The following TUBGCP2 variants were observed in gnomAD, a reference collection of about 807,000 sequenced individuals.
TUBGCP2 encodes tubulin gamma complex component 2, also known as gamma-tubulin complex component 2.
TUBGCP2 carries 55 observed loss-of-function variants against 92.2 expected under a neutral mutation model. The ratio of observed to expected loss-of-function variants is 0.60; its 90% CI spans 0.48 to 0.75. TUBGCP2 has a LOEUF of 0.75. Ranked by LOEUF, TUBGCP2 falls within the 30% of genes least tolerant of loss-of-function variation. The pLI is 0.00. For missense variants in TUBGCP2, 1,093 were observed against 1,188.9 expected (o/e 0.92, Z 1.19); for synonymous variants, 533 against 505.2 (o/e 1.06, Z -0.74).
In TUBGCP2 at chr10:133,282,260, C is replaced by T. The variant is rs769732521; in HGVS notation, c.2372G>A (p.Gly791Glu). ...CTCCTTCCGGGCCCGCTCCTCGGCC[C>T]CTGCGGGCAGCCCCAGGACGGTGCT... is the stretch of plus-strand genomic sequence containing the variant. ...EHSTVLGLPA[G>E]AEERARKELA... The change falls in exon 16 of 18, where the codon GGG becomes GAG. Residue 791 changes from glycine to glutamate, a missense_variant. By Grantham distance (98) the Gly-to-Glu change is moderately conservative. This residue lies in a region of TUBGCP2 where 598 missense variants were observed against 675.5 expected (regional missense o/e 0.89). Coordinates refer to ENST00000252936, the MANE Select transcript of TUBGCP2 (RefSeq NM_006659.4). 4.2e-5 allele frequency: 68 copies of T among 1,611,696 alleles called. No individual in the cohort carries two copies. Among genetic ancestry groups the T allele is most frequent in the Non-Finnish European group, 5.4e-5 (64 of 1,179,316 alleles).
At position 133,283,760 on chromosome 10, in the gene TUBGCP2, TG is replaced by T. The variant is rs1207152895; in HGVS notation, c.2145+121del. 3 of 1,465,732 alleles carry T rather than the reference TG, an allele frequency of 2.0e-6. No homozygotes were observed. In the African/African-American group the frequency reaches 4.2e-5, roughly 21 times the overall value. 90.8% of individuals were successfully genotyped at this position (1,465,732 alleles called of 1,614,324 possible). ...CTCTCCTGCACTCCCTGCGTCTCCCTGCATTCCCTGCCTCTCCTGCACTCCC... is the reference window on the plus strand; with the variant it reads ...CTCTCCTGCACTCCCTGCGTCTCCCTCATTCCCTGCCTCTCCTGCACTCCC... On this transcript the variant is annotated intron_variant, in intron 14 of 17. Transcript: ENST00000252936.
chr10:133,290,945 G>A (rs866538187), intron 8 of TUBGCP2: 3 of 155,896 alleles, frequency 1.9e-5, no homozygotes, highest in South Asian at 2.0e-4. Flanking sequence ...GTATCTTGAC[G>A]TAATAGACAT....
Position 133,281,532 on chromosome 10 carries a change from C to T in TUBGCP2, c.2410-96G>A, listed in dbSNP as rs183489373. The T allele has an allele frequency of 2.4e-5, 34 of 1,432,862 alleles. No homozygotes were observed. The Admixed American group carries it at 7.9e-4, about 33-fold the overall frequency. 88.8% of individuals were successfully genotyped at this position (1,432,862 alleles called of 1,614,324 possible). On this transcript the variant is annotated intron_variant, in intron 16 of 17. Transcript: ENST00000252936. ...CCAGCAGGCCGGTGTCCTTTCCCTTCCCCTTTTCTTAAATAGAAAACATGG... is the reference window on the plus strand; with the variant it reads ...CCAGCAGGCCGGTGTCCTTTCCCTTTCCCTTTTCTTAAATAGAAAACATGG...
chr10:133,279,479 T>C lies in TUBGCP2; in HGVS notation c.*287A>G. ...ACATGCATCTTTGCTTGCTCCTGGC[T>C]TAAACACCATGTATTTCCACTTTGA... On this transcript the variant is annotated 3_prime_UTR_variant, in exon 18 of 18. Transcript: ENST00000252936. 2.3e-6 allele frequency: 1 copy of C among 439,174 alleles called. No homozygotes were observed. 27.2% of individuals were successfully genotyped at this position (439,174 alleles called of 1,614,324 possible).
At chr10:133,290,048 G>T in intron 8 of TUBGCP2, 79 bp from the exon 9 acceptor site, 1 of 1,570,870 alleles carries the variant, frequency 6.4e-7, no homozygotes. Context: ...GGCCGGCAGC[G>T]CGCAGGGACA....
chr10:133,293,495 A>G (rs1025774547), intron 6 of TUBGCP2, 67 bp downstream of exon 6: 5 of 1,506,552 alleles, frequency 3.3e-6, no homozygotes, highest in Non-Finnish European at 4.5e-6. Context: ...CCCCATGGTC[A>G]TCAGGATGGG....
chr10:133,306,094 C>A lies in TUBGCP2; in HGVS notation c.-40+2729G>T, dbSNP rs149248262. Among the ~76,000 whole-genome samples, 212 of 152,362 alleles carry A rather than the reference C, an allele frequency of 1.4e-3. 1 individual carries two copies. The highest frequency in any genetic ancestry group is 6.8e-3 in the Middle Eastern group (2 of 294). ...CAGGAAAGCAGAAACAAACATGCGG[C>A]ACCATTGCTCCCTGGAGGTGTTAAC... On this transcript the variant is annotated intron_variant, in intron 1 of 17. Coordinates refer to ENST00000252936, the MANE Select transcript of TUBGCP2 (RefSeq NM_006659.4).
chr10:133,297,935 A>G lies in TUBGCP2; in HGVS notation c.616+17T>C, dbSNP rs1847527936. 2 of 1,610,028 alleles carry G rather than the reference A, an allele frequency of 1.2e-6. No individual in the cohort carries two copies. The highest frequency in any genetic ancestry group is 2.2e-5 in the South Asian group (2 of 90,892). Reference sequence around the variant, plus strand: ...ACGTACCTATCGGCAGAGCCCGGAAATCAACGCATCACGTACCTATCGGCA... The same window carrying G: ...ACGTACCTATCGGCAGAGCCCGGAAGTCAACGCATCACGTACCTATCGGCA... On this transcript the variant is annotated intron_variant, in intron 5 of 17. Transcript: ENST00000252936.
intron 11 of TUBGCP2, 22 bp downstream of exon 11, chr10:133,288,107 A>C: frequency 6.2e-7 from 1 of 1,601,084 alleles, no homozygotes; most frequent in Non-Finnish European, 8.5e-7. Context: ...CACAGGGGAC[A>C]GCCCCCGGCA....
At chr10:133,299,345 C>A (rs1847573418) in intron 4 of TUBGCP2, 82 bp downstream of exon 4, 2 of 1,250,986 alleles carry the variant, frequency 1.6e-6, no homozygotes, top group East Asian at 5.0e-5. Context: ...CCCGGCACAG[C>A]ACTGAGTGTG....
chr10:133,291,817 ATGTCCCTCCG>A (rs1335550806), intron 8 of TUBGCP2, among the ~76,000 whole-genome samples: 2 of 36,866 alleles, frequency 5.4e-5, no homozygotes, highest in Non-Finnish European at 1.0e-4. Flanking sequence ...CGTGTCCCCC[ATGTCCCTCCG>A]TGTCCCCCAT....
rs149312301 is a variant in TUBGCP2 at position 133,292,574 on chromosome 10, G to A, written c.1139C>T (p.Thr380Ile). 1.2e-6 allele frequency: 2 copies of A among 1,614,192 alleles called. No individual in the cohort carries two copies. The highest frequency in any genetic ancestry group is 1.3e-5 in the African/African-American group (1 of 75,048). The change falls in exon 8 of 18, where the codon ACC (threonine) becomes ATC (isoleucine). Residue 380 changes from threonine (T) to isoleucine (I), a missense_variant. Physicochemically the swap from Thr to Ile is moderately conservative, Grantham distance 89. This residue lies in a region of TUBGCP2 where 490 missense variants were observed against 488.5 expected (regional missense o/e 1.00). Coordinates refer to ENST00000252936, the MANE Select transcript of TUBGCP2 (RefSeq NM_006659.4). Reference protein sequence around the residue: ...SQAQELCLYLTKAASAPYFEV... With the variant: ...SQAQELCLYLIKAASAPYFEV... ...GAAGTAGGGAGCACTGGCCGCCTTG[G>A]TTAGGTACAGGCATAGCTCCTGCGC...
chr10:133,303,201 G>A (rs1249493479), intron 1 of TUBGCP2, among the ~76,000 whole-genome samples: 1 of 150,410 alleles, frequency 6.6e-6, no homozygotes, highest in African/African-American at 2.5e-5. Context: ...CAGCCTCTCA[G>A]AGGGTCCTCT....
intron 5 of TUBGCP2, chr10:133,297,230 C>T (rs910196940): frequency 2.6e-5 from 8 of 312,256 alleles, no homozygotes; most frequent in South Asian, 4.8e-5. Flanking sequence ...GGCAAAACCC[C>T]GTCTCTACTA....
rs138468630 is a variant in TUBGCP2 at position 133,305,306 on chromosome 10, C to G, written c.-39-2326G>C. Among the ~76,000 whole-genome samples, 3 of 152,362 alleles carry G rather than the reference C, an allele frequency of 2.0e-5. No individual in the cohort carries two copies. In the East Asian group the frequency reaches 5.8e-4, roughly 29 times the overall value. ...TAAGCTGTCCTCTCTCTCTCCGCCT[C>G]GGCTACGTAACAGGGAAGGGCCCCA... On this transcript the variant is annotated intron_variant, in intron 1 of 17. Transcript: ENST00000252936.
intron 1 of TUBGCP2, among the ~76,000 whole-genome samples, chr10:133,305,457 G>A (rs764215095): frequency 3.3e-5 from 5 of 152,034 alleles, no homozygotes; most frequent in Admixed American, 1.3e-4. Context: ...GGCCACTACC[G>A]GTCTCTGCGT....
At chr10:133,298,370 A>G (rs1847541666) in intron 4 of TUBGCP2, among the ~76,000 whole-genome samples, 1 of 152,190 alleles carries the variant, frequency 6.6e-6, no homozygotes, top group Admixed American at 6.5e-5. Context: ...CCCCCCTGGG[A>G]AAACATGAGC....
intron 2 of TUBGCP2, among the ~76,000 whole-genome samples, chr10:133,300,766 G>A (rs138205224): frequency 2.2e-4 from 33 of 152,302 alleles, no homozygotes; most frequent in African/African-American, 6.7e-4. Context: ...GAGCCCCTGC[G>A]CCCGCCCTTT....
At chr10:133,280,043 G>C in intron 17 of TUBGCP2, 142 bp from the exon 18 acceptor site, 1 of 1,347,942 alleles carries the variant, frequency 7.4e-7, no homozygotes, top group Non-Finnish European at 1.0e-6. Flanking sequence ...AGGAAGGACA[G>C]TGGAGCTGGG....
Sources: gnomAD v4.1 joint callset for allele counts (sites outside exome capture counted in the v4.1 genomes callset) on GRCh38, gnomAD v4.1.1 for gene constraint, gnomAD v4.1.1 regional missense constraint, MANE v1.5 for transcripts, NCBI Gene and HGNC (gene_info 2026-07-23, HGNC 2026-07-21) for gene names.